The following KIAA1549L variants were observed in gnomAD, a reference collection of about 807,000 sequenced individuals.
KIAA1549L encodes the protein KIAA1549 like, also known as UPF0606 protein KIAA1549L.
In KIAA1549L, 88 loss-of-function variants were observed where a neutral mutation model predicts 160.7. The ratio of observed to expected loss-of-function variants is 0.55; its 90% CI spans 0.46 to 0.65. The LOEUF (loss-of-function observed/expected upper bound fraction) is 0.65, where lower values mean the gene tolerates loss of function less well. KIAA1549L is among the 30% of genes least tolerant of loss of function. The pLI, the probability that KIAA1549L is intolerant of heterozygous loss-of-function variation, is 0.00. For missense variants in KIAA1549L, 2,258 were observed against 2,437.5 expected (o/e 0.93, Z 1.55); for synonymous variants, 950 against 976.7 (o/e 0.97, Z 0.51).
At chr11:33,550,003 AAAAAAAC>A (rs1854401588) in intron 4 of KIAA1549L, among the ~76,000 whole-genome samples, 1 of 150,742 alleles carries the variant, frequency 6.6e-6, no homozygotes, top group African/African-American at 2.5e-5. Flanking sequence ...AGACCCTGTC[AAAAAAAC>A]AAAAAACAAA....
chr11:33,514,380 A>G (rs1238489693), intron 1 of KIAA1549L, among the ~76,000 whole-genome samples: 2 of 152,172 alleles, frequency 1.3e-5, no homozygotes, highest in Non-Finnish European at 2.9e-5. Flanking sequence ...TGCAAACCAC[A>G]TTCTTTTTTG....
chr11:33,481,009 T>G (rs1852401010), intron 1 of KIAA1549L, among the ~76,000 whole-genome samples: 1 of 152,260 alleles, frequency 6.6e-6, no homozygotes, highest in Non-Finnish European at 1.5e-5. Flanking sequence ...TTTTACTATT[T>G]GTACTTATTT....
chr11:33,466,115 A>G (rs1852052772), intron 1 of KIAA1549L, among the ~76,000 whole-genome samples: 1 of 152,224 alleles, frequency 6.6e-6, no homozygotes, highest in Admixed American at 6.5e-5. Context: ...GCTTCTCCAA[A>G]TAAATGACAT....
At chr11:33,650,990 G>A (rs917531477) in intron 17 of KIAA1549L, among the ~76,000 whole-genome samples, 1 of 152,104 alleles carries the variant, frequency 6.6e-6, no homozygotes, top group Non-Finnish European at 1.5e-5. Flanking sequence ...CCCAGGGTGA[G>A]ACAGGACAGA....
intron 1 of KIAA1549L, among the ~76,000 whole-genome samples, chr11:33,501,757 ACTACTC>A (rs570413491): frequency 9.8e-4 from 149 of 152,336 alleles, no homozygotes; most frequent in African/African-American, 3.5e-3. Context: ...GTTGCCAGGC[ACTACTC>A]TGAGTATCTT....
chr11:33,659,026 T>C, intron 19 of KIAA1549L, 128 bp downstream of exon 19: 1 of 1,014,768 alleles, frequency 9.9e-7, no homozygotes, highest in South Asian at 1.8e-5. Context: ...CATTTCTGGA[T>C]CCCCTCATAA....
chr11:33,414,985 G>A (rs543017234), intron 1 of KIAA1549L, among the ~76,000 whole-genome samples: 52 of 152,066 alleles, frequency 3.4e-4, no homozygotes, highest in Admixed American at 5.2e-4. Flanking sequence ...AAGGCAATTT[G>A]TCATTTGCGT....
chr11:33,430,504 A>C lies in KIAA1549L; in HGVS notation c.238+53615A>C, dbSNP rs1410538898. ...ATAACTCATTAGGTAAGATCTGGCC[A>C]ATTATTTCTTCTTCAATTTGAAAAG... On this transcript the variant is annotated intron_variant, in intron 1 of 20. Transcript: ENST00000658780. 2.0e-5 allele frequency among the ~76,000 whole-genome samples: 3 copies of C among 152,224 alleles called. No individual in the cohort carries two copies. In the East Asian group the frequency reaches 5.8e-4, roughly 29 times the overall value.
At chr11:33,416,498 A>G (rs767823962) in intron 1 of KIAA1549L, among the ~76,000 whole-genome samples, 2 of 152,328 alleles carry the variant, frequency 1.3e-5, no homozygotes, top group South Asian at 2.1e-4. Flanking sequence ...AAATAATGCA[A>G]ATTAGAAAAC....
chr11:33,547,945 T>G (rs1854322002), intron 4 of KIAA1549L, 66 bp downstream of exon 4: 1 of 1,031,412 alleles, frequency 9.7e-7, no homozygotes, highest in Admixed American at 2.0e-5. Flanking sequence ...AGAATATGTT[T>G]AGATTGTTTT....
At chr11:33,435,800 A>ATGTGTGTGTGTGTGTGTG (rs1309350867) in intron 1 of KIAA1549L, among the ~76,000 whole-genome samples, 3 of 12,882 alleles carry the variant, frequency 2.3e-4, no homozygotes, top group Non-Finnish European at 4.1e-4. Context: ...ATATATATAT[A>ATGTGTGTGTGTGTGTGTG]TATATATATA....
intron 1 of KIAA1549L, among the ~76,000 whole-genome samples, chr11:33,404,541 A>G (rs1850605156): frequency 6.6e-6 from 1 of 151,974 alleles, no homozygotes; most frequent in African/African-American, 2.4e-5. Context: ...CAAACAAACA[A>G]AACAAAACAA....
intron 1 of KIAA1549L, among the ~76,000 whole-genome samples, chr11:33,405,903 A>G (rs959024701): frequency 1.1e-4 from 16 of 149,914 alleles, no homozygotes; most frequent in Non-Finnish European, 2.2e-4. Context: ...TCCATGTTCC[A>G]GGTCTTGTTA....
chr11:33,544,777 A>G lies in KIAA1549L; in HGVS notation c.2784A>G (p.Val928=), dbSNP rs1057373615. ...QHPKKWTADT[V]SSKVQPTAAA... is the part of the protein sequence containing the mutation. ...TTTCTCTCTTTACAGCGGACACAGT[A>G]TCATCTAAGGTACAGCCAACAGCAG... The change falls in exon 3 of 21, where the codon GTA becomes GTG. Residue 928 remains valine, a synonymous_variant. Transcript: ENST00000658780. 6.3e-7 allele frequency: 1 copy of G among 1,595,520 alleles called. No individual in the cohort carries two copies. The highest frequency in any genetic ancestry group is 8.6e-7 in the Non-Finnish European group (1 of 1,167,930).
intron 1 of KIAA1549L, among the ~76,000 whole-genome samples, chr11:33,534,540 A>T (rs1853849920): frequency 6.6e-6 from 1 of 150,700 alleles, no homozygotes; most frequent in African/African-American, 2.5e-5. Flanking sequence ...TAAAAACTAA[A>T]ATTCTGTAAT....
intron 15 of KIAA1549L, among the ~76,000 whole-genome samples, chr11:33,612,126 G>A (rs77306232): frequency 0.012 from 1,795 of 152,358 alleles, 33 homozygotes; most frequent in African/African-American, 0.041. Context: ...AACTGGGTGA[G>A]CTAGGAATAG....
chr11:33,556,466 T>C (rs1854651421), intron 6 of KIAA1549L, among the ~76,000 whole-genome samples: 1 of 152,234 alleles, frequency 6.6e-6, no homozygotes, highest in Admixed American at 6.5e-5. Context: ...CAATGGAATA[T>C]TATTCAGCCT....
At chr11:33,464,580 C>CT (rs945601305) in intron 1 of KIAA1549L, among the ~76,000 whole-genome samples, 1 of 151,186 alleles carries the variant, frequency 6.6e-6, no homozygotes, top group Non-Finnish European at 1.5e-5. Context: ...ATTTTTTTCT[C>CT]TGAGTAACAT....
At chr11:33,649,039 GAAGTA>G (rs927739707) in intron 17 of KIAA1549L, among the ~76,000 whole-genome samples, 2 of 152,204 alleles carry the variant, frequency 1.3e-5, no homozygotes, top group Non-Finnish European at 2.9e-5. Context: ...GAAGCTTGGA[GAAGTA>G]AAGAAACTTG....
Sources: allele counts gnomAD v4.1 joint callset (sites outside exome capture counted in the v4.1 genomes callset), GRCh38; gene constraint gnomAD v4.1.1; transcripts MANE v1.5; gene names NCBI Gene and HGNC (gene_info 2026-07-23, HGNC 2026-07-21).